EPHB1: variants seen among roughly 807,000 people sequenced by gnomAD.
EPHB1 encodes ephrin type-B receptor 1.
EPHB1 carries 30 observed loss-of-function variants against 94.4 expected under a neutral mutation model. That is an observed-to-expected ratio of 0.32 (90% CI 0.24 to 0.43). The LOEUF is 0.43. EPHB1 is among the 20% of genes least tolerant of loss of function. The pLI is 1.00. For missense variants in EPHB1, 1,055 were observed against 1,308.3 expected, an observed-to-expected ratio of 0.81 and a Z score of 2.99; for synonymous variants, 522 against 489.1, an observed-to-expected ratio of 1.07 and a Z score of -0.89.
chr3:135,078,867 T>G (rs915680369), intron 3 of EPHB1, among the ~76,000 whole-genome samples: 28 of 152,334 alleles, frequency 1.8e-4, no homozygotes, highest in African/African-American at 6.5e-4. Context: ...ACAGAGAACT[T>G]TGCGTAGAAC....
intron 1 of EPHB1, among the ~76,000 whole-genome samples, chr3:134,872,641 A>G (rs184475765): frequency 6.6e-6 from 1 of 152,344 alleles, no homozygotes; most frequent in Non-Finnish European, 1.5e-5. Flanking sequence ...CTTTCTTGAC[A>G]TCCAATTTAC....
At chr3:135,251,052 A>ATT (rs71245397) in intron 15 of EPHB1, among the ~76,000 whole-genome samples, 16,528 of 142,568 alleles carry the variant, frequency 0.12, 985 homozygotes, top group Middle Eastern at 0.21. Context: ...TCTGAGGTCT[A>ATT]TTTTTTTTTT....
chr3:134,915,263 TAAG>T (rs1290944833), intron 1 of EPHB1, among the ~76,000 whole-genome samples: 6 of 152,162 alleles, frequency 3.9e-5, no homozygotes, highest in Non-Finnish European at 8.8e-5. Flanking sequence ...TGTAAACAGT[TAAG>T]AAGAAGTCAT....
Position 135,259,097 on chromosome 3 carries a change from C to T in EPHB1, c.2932C>T (p.Gln978Ter), listed in dbSNP as rs778517382. 1 of 1,609,462 alleles carries T rather than the reference C, an allele frequency of 6.2e-7. No individual in the cohort carries two copies. The highest frequency in any genetic ancestry group is 1.1e-5 in the South Asian group (1 of 89,442). ...SIHSMRVQISQSPTAMA is the reference protein window; with the variant it reads ...SIHSMRVQIS ...TCATTCTATGAGGGTCCAGATAAGT[C>T]AGTCACCAACGGCAATGGCATGAGA... Residue 978 changes from glutamine (Q) to a stop codon, truncating the protein, a stop_gained, in exon 16 of 16, where the codon CAG becomes TAG. Transcript: ENST00000398015. LOFTEE classifies it high-confidence loss of function.
chr3:134,952,108 G>T (rs1933055209), intron 3 of EPHB1, 56 bp downstream of exon 3: 2 of 1,519,492 alleles, frequency 1.3e-6, no homozygotes, highest in Non-Finnish European at 1.8e-6. Flanking sequence ...GATCTGCAAG[G>T]TTTCCCCACC....
chr3:134,939,678 C>T (rs915450938), intron 2 of EPHB1, among the ~76,000 whole-genome samples: 3 of 152,092 alleles, frequency 2.0e-5, no homozygotes, highest in Non-Finnish European at 4.4e-5. Context: ...GTGGGGAAGG[C>T]TTGGTAGTGG....
chr3:134,914,033 T>C (rs2038513144), intron 1 of EPHB1, among the ~76,000 whole-genome samples: 1 of 151,788 alleles, frequency 6.6e-6, no homozygotes, highest in African/African-American at 2.4e-5. Context: ...ACATCTGTGG[T>C]TGTGCAGGAG....
chr3:134,896,131 G>A (rs1258419757), intron 1 of EPHB1, among the ~76,000 whole-genome samples: 2 of 152,016 alleles, frequency 1.3e-5, no homozygotes, highest in African/African-American at 4.8e-5. Flanking sequence ...GACACATATT[G>A]TGGCATGTTG....
intron 1 of EPHB1, among the ~76,000 whole-genome samples, chr3:134,818,078 A>T (rs2036303661): frequency 6.6e-6 from 1 of 152,180 alleles, no homozygotes; most frequent in South Asian, 2.1e-4. Context: ...AGCCATGTGG[A>T]GAGGAAAGAT....
chr3:134,943,468 G>T (rs975570979), intron 2 of EPHB1, among the ~76,000 whole-genome samples: 1 of 152,208 alleles, frequency 6.6e-6, no homozygotes, highest in Non-Finnish European at 1.5e-5. Context: ...GCCAGATGGG[G>T]GGATATGGAT....
chr3:135,067,960 C>T (rs983869201), intron 3 of EPHB1: 4 of 152,196 alleles, frequency 2.6e-5, no homozygotes, highest in African/African-American at 9.7e-5. Context: ...CTTCAGTTTC[C>T]CCAGTAGTAG....
chr3:135,133,072 T>C (rs1940477699), intron 5 of EPHB1, 23 bp downstream of exon 5: 2 of 1,552,830 alleles, frequency 1.3e-6, no homozygotes, highest in Non-Finnish European at 1.7e-6. Flanking sequence ...GCTTCTGTGC[T>C]CCTGTTTGGA....
At chr3:135,022,163 G>A (rs1017332831) in intron 3 of EPHB1, among the ~76,000 whole-genome samples, 2 of 152,128 alleles carry the variant, frequency 1.3e-5, no homozygotes, top group African/African-American at 4.8e-5. Flanking sequence ...GTATTGACGA[G>A]GTTTCACCAT....
rs115832446 is a variant in EPHB1, at chr3:134,902,969, C to A, written c.59-22847C>A. Among the ~76,000 whole-genome samples the A allele has an allele frequency of 4.8e-3, 730 of 152,306 alleles. 4 individuals are homozygous for A. Among genetic ancestry groups the A allele is most frequent in the African/African-American group, 0.017 (704 of 41,554 alleles). On this transcript the variant is annotated intron_variant, in intron 1 of 15. Coordinates refer to ENST00000398015, the MANE Select transcript of EPHB1 (RefSeq NM_004441.5). ...TCTTCACCAGGCATCTGTAAATTGCCATATTCCATGCAGATAATGAACATG... is the reference window on the plus strand; with the variant it reads ...TCTTCACCAGGCATCTGTAAATTGCAATATTCCATGCAGATAATGAACATG...
chr3:135,115,634 G>A (rs1162790806), intron 4 of EPHB1, among the ~76,000 whole-genome samples: 1 of 152,072 alleles, frequency 6.6e-6, no homozygotes, highest in Admixed American at 6.5e-5. Context: ...ATGCAGTCAA[G>A]TGGTAAGAGC....
chr3:134,821,427 G>A (rs1267880276), intron 1 of EPHB1, among the ~76,000 whole-genome samples: 1 of 147,038 alleles, frequency 6.8e-6, no homozygotes, highest in Non-Finnish European at 1.5e-5. Context: ...AAATAAAAAT[G>A]ATAGTAAAAT....
chr3:135,053,025 GTGTATATATATATA>G lies in EPHB1; in HGVS notation c.806-53421_806-53408del, dbSNP rs1256368739. Among the ~76,000 whole-genome samples, 434 of 90,626 alleles carry G rather than the reference GTGTATATATATATA, an allele frequency of 4.8e-3. 22 individuals are homozygous for G. Among genetic ancestry groups the G allele is most frequent in the African/African-American group, 0.021 (405 of 19,392 alleles). The allele number at this position is 90,626 out of a possible 152,430, so 59.5% of individuals were successfully genotyped here. ...TGTGTGTATATATATGTGTGTGTGTGTGTATATATATATATATATATATATATATAAAGTTGGTG... is the reference window on the plus strand; with the variant it reads ...TGTGTGTATATATATGTGTGTGTGTGTATATATATATATATAAAGTTGGTG... On this transcript the variant is annotated intron_variant, in intron 3 of 15. Transcript: ENST00000398015.
intron 3 of EPHB1, among the ~76,000 whole-genome samples, chr3:135,047,946 G>T (rs955240039): frequency 1.3e-5 from 2 of 152,182 alleles, no homozygotes; most frequent in Admixed American, 1.3e-4. Context: ...TAGTGTCAAG[G>T]TTGAGAAACC....
chr3:134,977,163 G>T (rs960447463), intron 3 of EPHB1, among the ~76,000 whole-genome samples: 1 of 152,172 alleles, frequency 6.6e-6, no homozygotes, highest in African/African-American at 2.4e-5. Context: ...CACTAGAGGA[G>T]GCACTTGTGC....
Sources: gnomAD v4.1 joint callset for allele counts (sites outside exome capture counted in the v4.1 genomes callset) on GRCh38, gnomAD v4.1.1 for gene constraint, MANE v1.5 for transcripts, NCBI Gene and HGNC (gene_info 2026-07-23, HGNC 2026-07-21) for gene names.